Variants in GRM8 observed in about 807,000 individuals in gnomAD.
GRM8 encodes the protein metabotropic glutamate receptor 8.
A neutral mutation model predicts 87.2 loss-of-function variants in GRM8; 47 were observed. The ratio of observed to expected loss-of-function variants is 0.54; its 90% confidence interval spans 0.43 to 0.69. The LOEUF (loss-of-function observed/expected upper bound fraction) is 0.69, where lower values mean the gene tolerates loss of function less well. Among genes scored for constraint, GRM8 ranks in the 30% least tolerant of loss-of-function variants. The probability of loss-of-function intolerance (pLI) is 0.00; values close to 1 mark genes in which losing one functional copy is unlikely to be tolerated. For missense variants in GRM8, 1,019 were observed against 1,139.2 expected (o/e 0.89, Z 1.52); for synonymous variants, 396 against 404.5 (o/e 0.98, Z 0.25).
At chr7:126,598,942 C>T (rs981771662) in intron 8 of GRM8, among the ~76,000 whole-genome samples, 9 of 152,062 alleles carry the variant, frequency 5.9e-5, no homozygotes, top group African/African-American at 1.7e-4. Flanking sequence ...TACTCAGTCC[C>T]GTAAAGAAAC....
intron 6 of GRM8, among the ~76,000 whole-genome samples, chr7:126,864,227 A>C (rs1798401617): frequency 1.3e-5 from 2 of 152,092 alleles, no homozygotes; most frequent in South Asian, 4.2e-4. Context: ...TCACAGTTTC[A>C]CTGTGATGTT....
At chr7:126,541,351 G>T (rs1464960614) in intron 8 of GRM8, among the ~76,000 whole-genome samples, 5 of 152,166 alleles carry the variant, frequency 3.3e-5, no homozygotes, top group African/African-American at 1.2e-4. Flanking sequence ...CAAACTGGAG[G>T]AACTAAAAGT....
chr7:126,463,693 G>C (rs369896624), intron 9 of GRM8, among the ~76,000 whole-genome samples: 100 of 151,764 alleles, frequency 6.6e-4, no homozygotes, highest in African/African-American at 2.3e-3. Context: ...CTATATAACA[G>C]CATTTCCAAA....
intron 7 of GRM8, among the ~76,000 whole-genome samples, chr7:126,664,111 C>A (rs1585425492): frequency 2.0e-5 from 3 of 152,030 alleles, no homozygotes; most frequent in African/African-American, 7.2e-5. Context: ...AAAGGGACTA[C>A]AAGACACTGC....
chr7:126,507,292 C>G (rs1810633066), intron 9 of GRM8, among the ~76,000 whole-genome samples: 1 of 152,122 alleles, frequency 6.6e-6, no homozygotes, highest in African/African-American at 2.4e-5. Flanking sequence ...ACTCACCTAT[C>G]TTTGTGACCT....
At chr7:126,856,458 T>C (rs1797694122) in intron 6 of GRM8, among the ~76,000 whole-genome samples, 1 of 152,214 alleles carries the variant, frequency 6.6e-6, no homozygotes, top group Admixed American at 6.5e-5. Flanking sequence ...GTACCATTTC[T>C]ACATGACTTT....
At chr7:126,552,472 A>ATATATAGTATATATAATATATAAT (rs1792693729) in intron 8 of GRM8, among the ~76,000 whole-genome samples, 1 of 152,194 alleles carries the variant, frequency 6.6e-6, no homozygotes, top group Admixed American at 6.5e-5. Flanking sequence ...AAACATAATA[A>ATATATAGTATATATAATATATAAT]AGCAAATATG....
At chr7:127,100,606 G>A (rs1825144473) in intron 3 of GRM8, among the ~76,000 whole-genome samples, 1 of 152,188 alleles carries the variant, frequency 6.6e-6, no homozygotes, top group Admixed American at 6.5e-5. Flanking sequence ...ATAGTGGAAG[G>A]CAAATGAGGG....
chr7:127,225,485 GAAA>G (rs11325479), intron 2 of GRM8, among the ~76,000 whole-genome samples: 1 of 143,308 alleles, frequency 7.0e-6, no homozygotes, highest in African/African-American at 2.5e-5. Flanking sequence ...CTATCTGCTG[GAAA>G]AAAAAAAAAA....
intron 8 of GRM8, among the ~76,000 whole-genome samples, chr7:126,597,690 T>C (rs986713250): frequency 6.6e-6 from 1 of 152,118 alleles, no homozygotes; most frequent in African/African-American, 2.4e-5. Flanking sequence ...TTGGTGCTGG[T>C]ATAAAAACAC....
chr7:126,907,065 A>G (rs1215081105), intron 3 of GRM8, among the ~76,000 whole-genome samples: 1 of 152,094 alleles, frequency 6.6e-6, no homozygotes, highest in Non-Finnish European at 1.5e-5. Context: ...GAAGAAGAAG[A>G]GAAAAAGAAT....
chr7:126,713,530 G>A (rs1416209629), intron 7 of GRM8, among the ~76,000 whole-genome samples: 1 of 151,592 alleles, frequency 6.6e-6, no homozygotes, highest in East Asian at 1.9e-4. Flanking sequence ...GGGTTGATGG[G>A]TGCAGCAAAC....
intron 7 of GRM8, among the ~76,000 whole-genome samples, chr7:126,661,051 G>C (rs1805107610): frequency 6.6e-6 from 1 of 152,072 alleles, no homozygotes. Context: ...TGGTTAATGG[G>C]TTAAAAAAAT....
intron 6 of GRM8, among the ~76,000 whole-genome samples, chr7:126,810,519 T>G (rs1406790338): frequency 6.6e-6 from 1 of 152,156 alleles, no homozygotes; most frequent in Non-Finnish European, 1.5e-5. Context: ...GAATTAGTTC[T>G]TAGCTCCCCA....
chr7:126,897,926 G>C (rs1801702702), intron 6 of GRM8, among the ~76,000 whole-genome samples: 1 of 152,152 alleles, frequency 6.6e-6, no homozygotes, highest in Admixed American at 6.6e-5. Flanking sequence ...CTCACTGCTT[G>C]AAGATGTTCT....
intron 9 of GRM8, among the ~76,000 whole-genome samples, chr7:126,459,370 G>C (rs529817971): frequency 1.2e-4 from 3 of 24,804 alleles, no homozygotes; most frequent in South Asian, 2.4e-3. Flanking sequence ...GCCTGAGAGA[G>C]AGCCAGCCAT....
chr7:126,791,046 C>T (rs1028733924), intron 6 of GRM8, among the ~76,000 whole-genome samples: 1 of 152,056 alleles, frequency 6.6e-6, no homozygotes, highest in Non-Finnish European at 1.5e-5. Flanking sequence ...GGAGTCTAAG[C>T]ATCTGTTGGA....
intron 6 of GRM8, among the ~76,000 whole-genome samples, chr7:126,827,619 G>A (rs1284539708): frequency 6.6e-6 from 1 of 152,196 alleles, no homozygotes; most frequent in African/African-American, 2.4e-5. Flanking sequence ...TTTGGGCTGA[G>A]ACAATGGGGT....
At chr7:127,235,820 C>A (rs1380970568) in intron 2 of GRM8, among the ~76,000 whole-genome samples, 1 of 152,176 alleles carries the variant, frequency 6.6e-6, no homozygotes, top group East Asian at 1.9e-4. Context: ...TCAAGAATTA[C>A]TGCAGTACAT....
Sources: gnomAD v4.1 joint callset for allele counts (sites outside exome capture counted in the v4.1 genomes callset) on GRCh38, gnomAD v4.1.1 for gene constraint, MANE v1.5 for transcripts, NCBI Gene and HGNC (gene_info 2026-07-23, HGNC 2026-07-21) for gene names.